PTBP3: variants seen among roughly 807,000 people sequenced by gnomAD.
The protein encoded by PTBP3 is polypyrimidine tract-binding protein 3.
In PTBP3, 20 loss-of-function variants were observed where a neutral mutation model predicts 58.7. The ratio of observed to expected loss-of-function variants is 0.34; its 90% CI spans 0.24 to 0.50. The LOEUF is 0.50. PTBP3 is among the 20% of genes least tolerant of loss of function. PTBP3 has a pLI of 0.98. For missense variants in PTBP3, 509 were observed against 637.2 expected, an observed-to-expected ratio of 0.80 and a Z score of 2.17; for synonymous variants, 185 against 219.8, an observed-to-expected ratio of 0.84 and a Z score of 1.40.
intron 2 of PTBP3, among the ~76,000 whole-genome samples, chr9:112,292,127 T>G (rs892033170): frequency 2.0e-5 from 3 of 152,154 alleles, no homozygotes; most frequent in Non-Finnish European, 2.9e-5. Flanking sequence ...AGGACTTGAA[T>G]AGACATTTCT....
At chr9:112,308,794 C>T (rs1377465243) in intron 1 of PTBP3, among the ~76,000 whole-genome samples, 1 of 151,970 alleles carries the variant, frequency 6.6e-6, no homozygotes, top group Non-Finnish European at 1.5e-5. Flanking sequence ...TAGAAACACA[C>T]AGCAAATTTA....
At chr9:112,254,094 G>A (rs58223255) in intron 5 of PTBP3, among the ~76,000 whole-genome samples, 4 of 152,044 alleles carry the variant, frequency 2.6e-5, no homozygotes, top group Non-Finnish European at 5.9e-5. Flanking sequence ...AGGCTCATGC[G>A]ATCCTCCCAT....
chr9:112,315,082 T>C (rs2153434), intron 1 of PTBP3, among the ~76,000 whole-genome samples: 130,185 of 151,970 alleles, frequency 0.86, 56,166 homozygotes, highest in African/African-American at 0.95. Context: ...CCGCCCACCT[T>C]GGCCTCCCAA....
chr9:112,255,578 A>G (rs905776232), intron 5 of PTBP3, among the ~76,000 whole-genome samples: 1 of 152,162 alleles, frequency 6.6e-6, no homozygotes, highest in African/African-American at 2.4e-5. Context: ...AAGGCAGATT[A>G]TATTTTCCCG....
chr9:112,277,446 T>C (rs183125197), intron 2 of PTBP3, among the ~76,000 whole-genome samples: 18 of 152,226 alleles, frequency 1.2e-4, no homozygotes, highest in Non-Finnish European at 2.5e-4. Flanking sequence ...TCATTTCCAC[T>C]CTCAAAGTCA....
intron 1 of PTBP3, among the ~76,000 whole-genome samples, chr9:112,333,185 G>T (rs1473822343): frequency 6.6e-6 from 1 of 152,154 alleles, no homozygotes; most frequent in Non-Finnish European, 1.5e-5. Context: ...CACCGCGGCC[G>T]GACCGGGCTT....
rs754786167 is a variant in PTBP3, at chr9:112,223,353, T to A, written c.*498A>T. 22 of 973,596 alleles carry A rather than the reference T, an allele frequency of 2.3e-5. No individual in the cohort carries two copies. Among genetic ancestry groups the A allele is most frequent in the Non-Finnish European group, 2.6e-5 (21 of 818,510 alleles). 60.3% of individuals were successfully genotyped at this position (973,596 alleles called of 1,614,324 possible). On this transcript the variant is annotated 3_prime_UTR_variant, in exon 14 of 14. Coordinates refer to ENST00000374257, the MANE Select transcript of PTBP3 (RefSeq NM_001163788.4). ...CCATCAATATATGGCAAAGATCTGATGTACTTTATATGTGAATATAATTTC... is the reference window on the plus strand; with the variant it reads ...CCATCAATATATGGCAAAGATCTGAAGTACTTTATATGTGAATATAATTTC...
At chr9:112,226,009 A>G (rs755711713) in intron 12 of PTBP3, among the ~76,000 whole-genome samples, 7 of 152,184 alleles carry the variant, frequency 4.6e-5, no homozygotes, top group Non-Finnish European at 7.3e-5. Context: ...ACACCACTGC[A>G]CTACAGCCTG....
intron 10 of PTBP3, among the ~76,000 whole-genome samples, chr9:112,228,990 T>A (rs983556553): frequency 6.6e-6 from 1 of 152,176 alleles, no homozygotes; most frequent in Non-Finnish European, 1.5e-5. Context: ...TTACCCTCGA[T>A]TTTTCTACCC....
chr9:112,252,841 G>A, intron 5 of PTBP3, 53 bp from the exon 6 acceptor site: 1 of 1,018,722 alleles, frequency 9.8e-7, no homozygotes, highest in Non-Finnish European at 1.5e-6. Flanking sequence ...TTAAACTGAT[G>A]TATCTTTATA....
chr9:112,268,295 A>C, intron 3 of PTBP3, 100 bp from the exon 4 acceptor site: 3 of 1,160,388 alleles, frequency 2.6e-6, no homozygotes, highest in Non-Finnish European at 3.4e-6. Context: ...ATGCACTCTC[A>C]AGTAAAATGA....
chr9:112,269,582 T>G (rs1827280410), intron 3 of PTBP3, among the ~76,000 whole-genome samples: 1 of 152,210 alleles, frequency 6.6e-6, no homozygotes, highest in South Asian at 2.1e-4. Context: ...ACCTTACTCA[T>G]TAACACCTCT....
At chr9:112,265,808 G>C (rs1464402623) in intron 4 of PTBP3, among the ~76,000 whole-genome samples, 3 of 152,116 alleles carry the variant, frequency 2.0e-5, no homozygotes, top group Non-Finnish European at 4.4e-5. Flanking sequence ...GATAATAAAT[G>C]AGTTATTCAA....
chr9:112,246,264 T>A (rs1835872683), intron 7 of PTBP3, among the ~76,000 whole-genome samples: 1 of 152,002 alleles, frequency 6.6e-6, no homozygotes. Flanking sequence ...ATTACAGATG[T>A]AAGCCACCGC....
At chr9:112,239,840 AGGGAGGGAG>A (rs1835579400) in intron 7 of PTBP3, among the ~76,000 whole-genome samples, 2 of 7,446 alleles carry the variant, frequency 2.7e-4, no homozygotes, top group Non-Finnish European at 4.7e-4. Context: ...GAAGGGAGGG[AGGGAGGGAG>A]GGAGGGAGGG....
At chr9:112,251,493 T>C (rs1589823972) in intron 6 of PTBP3, among the ~76,000 whole-genome samples, 1 of 152,324 alleles carries the variant, frequency 6.6e-6, no homozygotes, top group South Asian at 2.1e-4. Context: ...TTTAGTATAA[T>C]TCACATTATA....
chr9:112,305,776 C>T (rs1158712261), intron 1 of PTBP3, among the ~76,000 whole-genome samples: 2 of 151,722 alleles, frequency 1.3e-5, no homozygotes, highest in Non-Finnish European at 2.9e-5. Context: ...CCGTCTCTAC[C>T]AAAAATACAA....
chr9:112,350,309 C>A, the PTBP3 span, among the ~76,000 whole-genome samples: 1 of 151,812 alleles, frequency 6.6e-6, no homozygotes, highest in Admixed American at 6.6e-5. Flanking sequence ...CAAAATCTCA[C>A]AAATCACCAC....
downstream of PTBP3, chr9:112,218,363 G>A (rs1326905450): frequency 6.6e-6 from 1 of 152,400 alleles, no homozygotes; most frequent in Non-Finnish European, 1.5e-5. Context: ...GAAAAGAAAA[G>A]AAAATAGGAC....
Sources: allele counts gnomAD v4.1 joint callset (sites outside exome capture counted in the v4.1 genomes callset), GRCh38; gene constraint gnomAD v4.1.1; transcripts MANE v1.5; gene names NCBI Gene and HGNC (gene_info 2026-07-23, HGNC 2026-07-21).